The following CMSS1 variants were observed in gnomAD, a reference collection of about 807,000 sequenced individuals.
The protein encoded by CMSS1 is protein CMSS1.
Under a neutral mutation model 43.5 loss-of-function variants are expected in CMSS1, and 33 were observed. The ratio of observed to expected loss-of-function variants is 0.76; its 90% CI spans 0.57 to 1.01. The LOEUF is 1.01. Among genes scored for constraint, CMSS1 ranks in the 50% least tolerant of loss-of-function variants. The pLI, the probability that CMSS1 is intolerant of heterozygous loss-of-function variation, is 0.00. For missense variants in CMSS1, 313 were observed against 326.4 expected, an observed-to-expected ratio of 0.96 and a Z score of 0.32; for synonymous variants, 115 against 117.2, an observed-to-expected ratio of 0.98 and a Z score of 0.12.
chr3:100,036,996 A>G (rs1175402870), intron 1 of CMSS1, among the ~76,000 whole-genome samples: 1 of 152,192 alleles, frequency 6.6e-6, no homozygotes, highest in Non-Finnish European at 1.5e-5. Context: ...AAACACATAA[A>G]TAAAGCTGAG....
rs74479233 is a variant in CMSS1 at position 99,829,339 on chromosome 3, A to G, written c.64+11296A>G. ...TATTACTCTGTCCACACTGAATTACAGGCACACCTTTCTCTCAATTCAATG... is the reference window on the plus strand; with the variant it reads ...TATTACTCTGTCCACACTGAATTACGGGCACACCTTTCTCTCAATTCAATG... On this transcript the variant is annotated intron_variant, in intron 1 of 9. Coordinates refer to ENST00000421999, the MANE Select transcript of CMSS1 (RefSeq NM_032359.4). Among the ~76,000 whole-genome samples the G allele has an allele frequency of 4.2e-3, 633 of 152,342 alleles. 3 individuals carry two copies. Among genetic ancestry groups the G allele is most frequent in the Non-Finnish European group, 7.5e-3 (507 of 68,030 alleles).
At chr3:100,111,233 A>G (rs1375378553) in intron 1 of CMSS1, among the ~76,000 whole-genome samples, 1 of 152,132 alleles carries the variant, frequency 6.6e-6, no homozygotes, top group African/African-American at 2.4e-5. Context: ...GGAGGAGTGA[A>G]ACTTTCCTCT....
intron 1 of CMSS1, among the ~76,000 whole-genome samples, chr3:99,916,288 G>A (rs1706947020): frequency 6.6e-6 from 1 of 150,868 alleles, no homozygotes; most frequent in African/African-American, 2.4e-5. Context: ...GCTTTAGATT[G>A]GGAATAGAAT....
chr3:99,967,976 T>C (rs1161083487), intron 1 of CMSS1, among the ~76,000 whole-genome samples: 1 of 152,196 alleles, frequency 6.6e-6, no homozygotes, highest in African/African-American at 2.4e-5. Flanking sequence ...CACATCTACT[T>C]GGGCAATCTC....
chr3:99,982,418 C>G (rs1418813220), intron 1 of CMSS1, among the ~76,000 whole-genome samples: 1 of 152,064 alleles, frequency 6.6e-6, no homozygotes, highest in Non-Finnish European at 1.5e-5. Context: ...TGGCTCAAAC[C>G]CATCGTCAGC....
At chr3:99,843,091 C>G (rs1161159673) in intron 1 of CMSS1, among the ~76,000 whole-genome samples, 1 of 152,222 alleles carries the variant, frequency 6.6e-6, no homozygotes, top group East Asian at 1.9e-4. Flanking sequence ...CCTTAGTAAA[C>G]TACTTGTCTT....
At chr3:99,955,415 G>T (rs544061627) in intron 1 of CMSS1, among the ~76,000 whole-genome samples, 2 of 152,080 alleles carry the variant, frequency 1.3e-5, no homozygotes, top group Non-Finnish European at 2.9e-5. Flanking sequence ...TTTTTTTAGC[G>T]AAGGCATTTA....
intron 1 of CMSS1, among the ~76,000 whole-genome samples, chr3:100,083,895 C>T (rs1234268222): frequency 6.6e-6 from 1 of 152,032 alleles, no homozygotes; most frequent in Non-Finnish European, 1.5e-5. Context: ...ATTGGAAGTT[C>T]TATAGTAGAT....
At chr3:100,012,276 C>A (rs541078628) in intron 1 of CMSS1, among the ~76,000 whole-genome samples, 1 of 152,126 alleles carries the variant, frequency 6.6e-6, no homozygotes, top group East Asian at 1.9e-4. Context: ...ACTTTGTCAA[C>A]CAATTAGAAG....
intron 1 of CMSS1, among the ~76,000 whole-genome samples, chr3:100,082,360 C>T (rs2065945489): frequency 6.6e-6 from 1 of 152,210 alleles, no homozygotes; most frequent in African/African-American, 2.4e-5. Flanking sequence ...TTAAAAGGAA[C>T]TCCTCTGTAC....
At chr3:99,872,686 G>C (rs1944863120) in intron 1 of CMSS1, among the ~76,000 whole-genome samples, 1 of 151,960 alleles carries the variant, frequency 6.6e-6, no homozygotes. Context: ...GGTCAGACTG[G>C]AAAAAGAATA....
At chr3:99,929,610 G>A (rs940959598) in intron 1 of CMSS1, among the ~76,000 whole-genome samples, 2 of 151,960 alleles carry the variant, frequency 1.3e-5, no homozygotes, top group South Asian at 2.1e-4. Flanking sequence ...GTGAGAGTGG[G>A]GAGCATTCTC....
At chr3:99,987,191 T>C (rs1445715900) in intron 1 of CMSS1, among the ~76,000 whole-genome samples, 1 of 147,164 alleles carries the variant, frequency 6.8e-6, no homozygotes, top group Non-Finnish European at 1.5e-5. Flanking sequence ...GGCCATGCCA[T>C]GCACTCCAGC....
intron 1 of CMSS1, among the ~76,000 whole-genome samples, chr3:99,993,489 C>T (rs1256909860): frequency 2.0e-5 from 3 of 152,026 alleles, no homozygotes; most frequent in African/African-American, 7.2e-5. Context: ...TACCTGACTG[C>T]TCTGATGAAG....
At chr3:99,879,270 A>G (rs1705640946) in intron 1 of CMSS1, among the ~76,000 whole-genome samples, 1 of 152,208 alleles carries the variant, frequency 6.6e-6, no homozygotes, top group South Asian at 2.1e-4. Context: ...ACAAGGAGAT[A>G]CCAACTAGAT....
chr3:99,913,327 A>G (rs1706851711), intron 1 of CMSS1, among the ~76,000 whole-genome samples: 1 of 152,226 alleles, frequency 6.6e-6, no homozygotes, highest in Admixed American at 6.5e-5. Flanking sequence ...ACAGCAGCAT[A>G]TGAGGGTTCC....
intron 1 of CMSS1, among the ~76,000 whole-genome samples, chr3:100,027,913 GT>G (rs1429707384): frequency 6.6e-6 from 1 of 152,166 alleles, no homozygotes; most frequent in Non-Finnish European, 1.5e-5. Flanking sequence ...CAGAAAAGAT[GT>G]TGGAGAGTAG....
chr3:99,958,208 T>C (rs1283249989), intron 1 of CMSS1, among the ~76,000 whole-genome samples: 1 of 87,724 alleles, frequency 1.1e-5, no homozygotes, highest in African/African-American at 6.1e-5. Context: ...GCATGCATTA[T>C]TATTATTATT....
chr3:99,905,111 A>T (rs760558629), intron 1 of CMSS1, among the ~76,000 whole-genome samples: 5 of 152,150 alleles, frequency 3.3e-5, no homozygotes, highest in African/African-American at 4.8e-5. Context: ...TTTCTGTTTC[A>T]TAGACTGCTT....
Sources: gnomAD v4.1 joint callset for allele counts (sites outside exome capture counted in the v4.1 genomes callset) on GRCh38, gnomAD v4.1.1 for gene constraint, MANE v1.5 for transcripts, NCBI Gene and HGNC (gene_info 2026-07-23, HGNC 2026-07-21) for gene names.